Variants in FBXL2 observed in about 807,000 individuals in gnomAD.
The protein encoded by FBXL2 is F-box and leucine rich repeat protein 2, also known as F-box/LRR-repeat protein 2.
FBXL2 carries 38 observed loss-of-function variants against 69.2 expected under a neutral mutation model. The observed-to-expected ratio is 0.55, with a 90% CI of 0.42 to 0.72. The LOEUF is 0.72. Ranked by LOEUF, FBXL2 falls within the 30% of genes least tolerant of loss-of-function variation. The probability of loss-of-function intolerance (pLI) is 0.00; values close to 1 mark genes in which losing one functional copy is unlikely to be tolerated. For missense variants in FBXL2, 354 were observed against 520.3 expected (o/e 0.68, Z 3.11); for synonymous variants, 192 against 201.3 (o/e 0.95, Z 0.39).
At chr3:33,288,831 G>A (rs979124758) in intron 1 of FBXL2, among the ~76,000 whole-genome samples, 9 of 152,144 alleles carry the variant, frequency 5.9e-5, no homozygotes, top group African/African-American at 2.2e-4. Context: ...TAGAGAAGTG[G>A]CATATATGAC....
intron 13 of FBXL2, among the ~76,000 whole-genome samples, chr3:33,381,879 A>G (rs564305174): frequency 3.3e-5 from 5 of 152,244 alleles, no homozygotes; most frequent in Non-Finnish European, 5.9e-5. Flanking sequence ...ATTCATGAGA[A>G]AGGAAATATA....
intron 1 of FBXL2, among the ~76,000 whole-genome samples, chr3:33,280,524 C>CA (rs1228864024): frequency 1.3e-5 from 2 of 151,952 alleles, no homozygotes; most frequent in African/African-American, 4.8e-5. Flanking sequence ...GTCTGGGCAA[C>CA]ATGGTGAGAC....
downstream of FBXL2, among the ~76,000 whole-genome samples, chr3:33,404,470 T>C (rs2044360789): frequency 7.0e-6 from 1 of 143,524 alleles, no homozygotes; most frequent in Admixed American, 7.6e-5. Flanking sequence ...AAAGCCAAGC[T>C]AAAGATAATA....
intron 1 of FBXL2, among the ~76,000 whole-genome samples, chr3:33,279,215 G>T (rs1002263719): frequency 6.6e-6 from 1 of 151,936 alleles, no homozygotes; most frequent in African/African-American, 2.4e-5. Flanking sequence ...GGAATGGTTG[G>T]TACAGGAGGG....
At chr3:33,298,434 G>C (rs894806580) in intron 2 of FBXL2, among the ~76,000 whole-genome samples, 1 of 152,120 alleles carries the variant, frequency 6.6e-6, no homozygotes, top group African/African-American at 2.4e-5. Context: ...CACTTTGGGA[G>C]GCTGAGGTGG....
chr3:33,378,272 G>T, intron 12 of FBXL2, 125 bp downstream of exon 12: 1 of 997,290 alleles, frequency 1.0e-6, no homozygotes. Flanking sequence ...CAGTGGCAGG[G>T]CTTGGAAACC....
chr3:33,379,199 A>G (rs1349924006), intron 13 of FBXL2, among the ~76,000 whole-genome samples: 1 of 151,878 alleles, frequency 6.6e-6, no homozygotes, highest in Non-Finnish European at 1.5e-5. Flanking sequence ...ACGGGGTTTC[A>G]CCATGTTGGC....
At chr3:33,379,459 A>G (rs538811395) in intron 13 of FBXL2, among the ~76,000 whole-genome samples, 8 of 151,608 alleles carry the variant, frequency 5.3e-5, no homozygotes, top group African/African-American at 1.9e-4. Flanking sequence ...GGTTCAAGCT[A>G]TTCTCCTGCC....
chr3:33,324,116 T>A (rs953059925), intron 2 of FBXL2, among the ~76,000 whole-genome samples: 1 of 152,142 alleles, frequency 6.6e-6, no homozygotes, highest in African/African-American at 2.4e-5. Flanking sequence ...TTTTGAGAAG[T>A]GTGTGTTCAT....
intron 2 of FBXL2, among the ~76,000 whole-genome samples, chr3:33,324,898 T>C (rs1430589113): frequency 6.6e-6 from 1 of 152,194 alleles, no homozygotes; most frequent in African/African-American, 2.4e-5. Context: ...GTGGGCAGTA[T>C]GGCCATTTTC....
rs543349981 is a variant in FBXL2 at position 33,373,281 on chromosome 3, A to G, written c.381A>G (p.Arg127=). Residue 127 remains arginine (R), a synonymous_variant, in exon 7 of 15, where the codon AGA becomes AGG. Coordinates refer to ENST00000484457, the MANE Select transcript of FBXL2 (RefSeq NM_012157.5). ...TCAGCACGTGTTATAGCCTTAGCAG[A>G]TTCTGTTCCAAGCTGAAACATCTGG... The part of the protein sequence containing the change: ...ITDSTCYSLS[R]FCSKLKHLDL... The G allele has an allele frequency of 3.1e-6, 5 of 1,614,052 alleles. No homozygotes were observed. The highest frequency in any genetic ancestry group is 4.2e-6 in the Non-Finnish European group (5 of 1,180,020).
intron 2 of FBXL2, among the ~76,000 whole-genome samples, chr3:33,311,378 T>G (rs1329119834): frequency 6.6e-6 from 1 of 152,162 alleles, no homozygotes; most frequent in Non-Finnish European, 1.5e-5. Context: ...TTTCTTTTTC[T>G]CTGCTCCTTT....
chr3:33,296,601 C>A (rs548935090), intron 1 of FBXL2, among the ~76,000 whole-genome samples: 2 of 152,120 alleles, frequency 1.3e-5, no homozygotes, highest in Admixed American at 1.3e-4. Flanking sequence ...TTGTATATAT[C>A]CAGTTGTACC....
At chr3:33,335,777 A>G (rs906293132) in intron 2 of FBXL2, among the ~76,000 whole-genome samples, 143 of 152,230 alleles carry the variant, frequency 9.4e-4, no homozygotes, top group African/African-American at 3.2e-3. Context: ...GATTTGAACC[A>G]TATTCATGAT....
intron 5 of FBXL2, among the ~76,000 whole-genome samples, chr3:33,369,369 AT>A (rs2042150621): frequency 6.6e-6 from 1 of 151,788 alleles, no homozygotes; most frequent in African/African-American, 2.4e-5. Context: ...AGTGTTTTTT[AT>A]GATTTCATTT....
chr3:33,390,395 C>G, downstream of FBXL2: 2 of 1,613,944 alleles, frequency 1.2e-6, no homozygotes, highest in Non-Finnish European at 1.7e-6. Context: ...GACAGTATTT[C>G]TTCAGTCAGG....
At chr3:33,380,097 C>T (rs969900555) in intron 13 of FBXL2, among the ~76,000 whole-genome samples, 1 of 151,648 alleles carries the variant, frequency 6.6e-6, no homozygotes, top group Non-Finnish European at 1.5e-5. Context: ...TGGTGGCACA[C>T]GCCTGTAGTC....
intron 4 of FBXL2, 164 bp from the exon 5 acceptor site, chr3:33,364,461 C>T: frequency 1.5e-6 from 1 of 653,574 alleles, no homozygotes; most frequent in Middle Eastern, 4.3e-4. Context: ...CTTGCAGCCC[C>T]TGTATGCATT....
chr3:33,384,560 CAAAAT>C (rs1455053293), intron 14 of FBXL2, among the ~76,000 whole-genome samples: 4 of 152,092 alleles, frequency 2.6e-5, no homozygotes, highest in Admixed American at 1.3e-4. Context: ...GACTCCATCT[CAAAAT>C]AAATCGATCA....
Sources: gnomAD v4.1 joint callset for allele counts (sites outside exome capture counted in the v4.1 genomes callset) on GRCh38, gnomAD v4.1.1 for gene constraint, MANE v1.5 for transcripts, NCBI Gene and HGNC (gene_info 2026-07-23, HGNC 2026-07-21) for gene names.